The following ACTR1A variants were observed in gnomAD, a reference collection of about 807,000 sequenced individuals.
ACTR1A encodes actin related protein 1A, also known as alpha-centractin.
ACTR1A carries 10 observed loss-of-function variants against 50.7 expected under a neutral mutation model. That is an observed-to-expected ratio of 0.20 (90% CI 0.12 to 0.33). ACTR1A has a LOEUF of 0.33. Among genes scored for constraint, ACTR1A ranks in the 10% least tolerant of loss-of-function variants. The pLI is 1.00. For synonymous variants in ACTR1A, 177 were observed against 184.2 expected, an observed-to-expected ratio of 0.96 and a Z score of 0.32; for missense variants, 253 against 491.7, an observed-to-expected ratio of 0.51 and a Z score of 4.59.
At chr10:102,492,851 A>G (rs1200167396) in intron 1 of ACTR1A, among the ~76,000 whole-genome samples, 1 of 151,970 alleles carries the variant, frequency 6.6e-6, no homozygotes, top group African/African-American at 2.4e-5. Context: ...TACAAATACA[A>G]AAATTAGCCA....
At chr10:102,502,298 G>C (rs2062260281) in intron 1 of ACTR1A, among the ~76,000 whole-genome samples, 1 of 152,262 alleles carries the variant, frequency 6.6e-6, no homozygotes. Context: ...GGAAATGGGG[G>C]AGAGGGCGGG....
chr10:102,493,857 C>A (rs1241696543), intron 1 of ACTR1A, among the ~76,000 whole-genome samples: 1 of 152,152 alleles, frequency 6.6e-6, no homozygotes, highest in Non-Finnish European at 1.5e-5. Flanking sequence ...ACCTGAATGA[C>A]CAGCTGAAAT....
At chr10:102,490,517 C>A (rs1440507771) in intron 2 of ACTR1A, 32 bp downstream of exon 2, 1 of 1,588,248 alleles carries the variant, frequency 6.3e-7, no homozygotes, top group Non-Finnish European at 8.6e-7. Context: ...GCTGATGAGC[C>A]TCCAAAACGT....
chr10:102,487,007 T>A (rs1335075354), intron 4 of ACTR1A, among the ~76,000 whole-genome samples: 3 of 151,868 alleles, frequency 2.0e-5, no homozygotes, highest in Non-Finnish European at 4.4e-5. Flanking sequence ...GCTGCCCAAC[T>A]TGGTCTCAAA....
intron 1 of ACTR1A, among the ~76,000 whole-genome samples, chr10:102,492,490 C>T (rs943310764): frequency 6.6e-6 from 1 of 152,172 alleles, no homozygotes; most frequent in Non-Finnish European, 1.5e-5. Flanking sequence ...TGACCACTCT[C>T]CTGGGGTGGA....
intron 1 of ACTR1A, among the ~76,000 whole-genome samples, chr10:102,500,932 G>T (rs2062247806): frequency 6.6e-6 from 1 of 151,902 alleles, no homozygotes; most frequent in Non-Finnish European, 1.5e-5. Flanking sequence ...TTAGCCAGGG[G>T]TGGTGGCGCG....
chr10:102,486,140 T>C (rs2062167099), intron 4 of ACTR1A, among the ~76,000 whole-genome samples: 1 of 152,282 alleles, frequency 6.6e-6, no homozygotes, highest in East Asian at 1.9e-4. Flanking sequence ...CGAGCATTAT[T>C]GTCTGAGCTC....
intron 4 of ACTR1A, 73 bp from the exon 5 acceptor site, chr10:102,485,806 C>T (rs1206550939): frequency 1.3e-6 from 2 of 1,586,688 alleles, no homozygotes; most frequent in Admixed American, 1.7e-5. Context: ...GGGGAGAAGA[C>T]CCTGCCTTGC....
chr10:102,499,177 C>T (rs755998615), intron 1 of ACTR1A, among the ~76,000 whole-genome samples: 7 of 152,168 alleles, frequency 4.6e-5, no homozygotes, highest in South Asian at 2.1e-4. Flanking sequence ...TAAAGTGTAG[C>T]AACATGTTAA....
chr10:102,480,932 C>T lies in ACTR1A; in HGVS notation c.1062G>A (p.Lys354=), dbSNP rs2062136373. ...ATTCCTTTTTGGAGACCCACATCTTCTTAAAGGTGTCCAGGGAGGCAAGGA... is the reference window on the plus strand; with the variant it reads ...ATTCCTTTTTGGAGACCCACATCTTTTTAAAGGTGTCCAGGGAGGCAAGGA... ...GSILASLDTF[K]KMWVSKKEYE... Residue 354 remains lysine (K), a synonymous_variant, in exon 11 of 11, where the codon AAG becomes AAA. Coordinates refer to ENST00000369905, the MANE Select transcript of ACTR1A (RefSeq NM_005736.4). 6.2e-7 allele frequency: 1 copy of T among 1,614,114 alleles called. No individual in the cohort carries two copies. Among genetic ancestry groups the T allele is most frequent in the African/African-American group, 1.3e-5 (1 of 75,038 alleles).
intron 6 of ACTR1A, 47 bp downstream of exon 6, chr10:102,484,113 T>C: frequency 6.3e-7 from 1 of 1,582,650 alleles, no homozygotes; most frequent in Middle Eastern, 1.7e-4. Flanking sequence ...CTGGGTGCTA[T>C]GCTCCCAACC....
Position 102,488,103 on chromosome 10 carries a change from A to T in ACTR1A, c.315+47T>A, listed in dbSNP as rs1481941197. 1.3e-6 allele frequency: 2 copies of T among 1,578,248 alleles called. No homozygotes were observed. The highest frequency in any genetic ancestry group is 1.7e-6 in the Non-Finnish European group (2 of 1,151,072). ...ATCATCTCTAGGGTAGGAGTTTGAC[A>T]CAGCTTTGCATACCCTACAGGAGTG... On this transcript the variant is annotated intron_variant, in intron 4 of 10. Transcript: ENST00000369905. This position sits in a 1 kb window ranked among gnomAD's most constrained non-coding sequence, Gnocchi z 4.4.
chr10:102,490,561 C>T lies in ACTR1A; in HGVS notation c.101G>A (p.Cys34Tyr). The stretch of plus-strand genomic sequence containing the variant: ...CAGAATGACTTACTAGTTTGGAAAG[C>T]AGTATTTGGGGATCTGATCACCAGC... ...GFAGDQIPKY[C>Y]FPNYVGRPKH... The change falls in exon 2 of 11, where the codon TGC becomes TAC. Residue 34 changes from cysteine (C) to tyrosine (Y), a missense_variant. Coordinates refer to ENST00000369905, the MANE Select transcript of ACTR1A (RefSeq NM_005736.4). 1.2e-6 allele frequency: 2 copies of T among 1,613,176 alleles called. No homozygotes were observed. The highest frequency in any genetic ancestry group is 2.2e-5 in the South Asian group (2 of 91,060).
At chr10:102,494,292 T>C (rs1403606481) in intron 1 of ACTR1A, among the ~76,000 whole-genome samples, 3 of 152,122 alleles carry the variant, frequency 2.0e-5, no homozygotes, top group Non-Finnish European at 2.9e-5. Flanking sequence ...GGCCAGGAGT[T>C]TGAGACCAGC....
At chr10:102,489,164 T>C (rs1440819419) in intron 2 of ACTR1A, 26 bp from the exon 3 acceptor site, 11 of 1,512,740 alleles carry the variant, frequency 7.3e-6, no homozygotes, top group Non-Finnish European at 9.8e-6. Context: ...AGGAGGACCA[T>C]CATTTTTCAT....
At chr10:102,494,655 C>CCAAA (rs368204210) in intron 1 of ACTR1A, among the ~76,000 whole-genome samples, 7,143 of 151,434 alleles carry the variant, frequency 0.047, 529 homozygotes, top group African/African-American at 0.16. Flanking sequence ...AACCAACCAA[C>CCAAA]CAAACAAACA....
chr10:102,484,056 C>G (rs1364589342), intron 6 of ACTR1A, 104 bp downstream of exon 6: 3 of 1,097,838 alleles, frequency 2.7e-6, no homozygotes, highest in Non-Finnish European at 4.0e-6. Context: ...CACCAGGGAC[C>G]CCCAGGCAGG....
At chr10:102,489,895 C>G (rs1340461047) in intron 2 of ACTR1A, among the ~76,000 whole-genome samples, 2 of 152,006 alleles carry the variant, frequency 1.3e-5, no homozygotes, top group African/African-American at 2.4e-5. Context: ...TCCTGTAAGC[C>G]TCTGTGCTCT....
chr10:102,490,700 G>A, intron 1 of ACTR1A, 87 bp from the exon 2 acceptor site: 2 of 1,106,532 alleles, frequency 1.8e-6, no homozygotes, highest in South Asian at 2.6e-5. Context: ...TTTTATTTAA[G>A]AAAAGAAAGC....
Sources: allele counts gnomAD v4.1 joint callset (sites outside exome capture counted in the v4.1 genomes callset), GRCh38; gene constraint gnomAD v4.1.1; non-coding constraint Gnocchi (gnomAD v3.1); transcripts MANE v1.5; gene names NCBI Gene and HGNC (gene_info 2026-07-23, HGNC 2026-07-21).